Variants in GABRG3 observed in about 807,000 individuals in gnomAD.
GABRG3 encodes the protein gamma-aminobutyric acid type A receptor subunit gamma3, also known as gamma-aminobutyric acid receptor subunit gamma-3.
GABRG3 carries 25 observed loss-of-function variants against 48.8 expected under a neutral mutation model. The ratio of observed to expected loss-of-function variants is 0.51; its 90% CI spans 0.37 to 0.72. The LOEUF (loss-of-function observed/expected upper bound fraction) is 0.72, where lower values mean the gene tolerates loss of function less well. GABRG3 is among the 30% of genes least tolerant of loss of function. The pLI is 0.00. For synonymous variants in GABRG3, 227 were observed against 217.6 expected (o/e 1.04, Z -0.38); for missense variants, 394 against 577.9 (o/e 0.68, Z 3.26).
intron 3 of GABRG3, among the ~76,000 whole-genome samples, chr15:27,211,723 C>G (rs1354368281): frequency 6.6e-6 from 1 of 152,212 alleles, no homozygotes. Context: ...AAGTCCACCT[C>G]TCTGTGGAGC....
At chr15:27,090,486 C>G (rs951667377) in intron 3 of GABRG3, among the ~76,000 whole-genome samples, 1 of 152,162 alleles carries the variant, frequency 6.6e-6, no homozygotes, top group Non-Finnish European at 1.5e-5. Context: ...GCAGCTGCAC[C>G]GTTTTACAGT....
rs1240223125 is a variant in GABRG3 at position 27,327,009 on chromosome 15, G to A, written c.471G>A (p.Gly157=). 1 of 1,613,770 alleles carries A rather than the reference G, an allele frequency of 6.2e-7. No homozygotes were observed. Among genetic ancestry groups the A allele is most frequent in the Non-Finnish European group, 8.5e-7 (1 of 1,179,758 alleles). Residue 157 remains glycine, a synonymous_variant, in exon 4 of 10, where the codon GGG becomes GGA. Coordinates refer to ENST00000615808, the MANE Select transcript of GABRG3 (RefSeq NM_033223.5). The part of the protein sequence containing the change: ...PNQLLRIWND[G]KILYTLRLTI... ...AGCTCCTCCGGATTTGGAATGACGG[G>A]AAAATCCTTTACACTTTGAGGTAAG...
intron 3 of GABRG3, among the ~76,000 whole-genome samples, chr15:27,312,063 G>A (rs1893015315): frequency 1.3e-5 from 2 of 152,044 alleles, no homozygotes; most frequent in South Asian, 4.1e-4. Context: ...GCTCACCAGG[G>A]TAAGGAGAAC....
intron 2 of GABRG3, among the ~76,000 whole-genome samples, chr15:26,983,358 C>T (rs1357630363): frequency 1.3e-5 from 2 of 152,134 alleles, no homozygotes; most frequent in Admixed American, 1.3e-4. Context: ...GCTCTCCACA[C>T]TTGCGATCTT....
In GABRG3 at chr15:27,180,418, T is replaced by C. The variant is rs1887892333; in HGVS notation, c.271-146391T>C. Among the ~76,000 whole-genome samples, 1 of 152,118 alleles carries C rather than the reference T, an allele frequency of 6.6e-6. No homozygotes were observed. Among genetic ancestry groups the C allele is most frequent in the South Asian group, 2.1e-4 (1 of 4,824 alleles). On this transcript the variant is annotated intron_variant, in intron 3 of 9. Coordinates refer to ENST00000615808, the MANE Select transcript of GABRG3 (RefSeq NM_033223.5). This position sits in a 1 kb window ranked among gnomAD's most constrained non-coding sequence, Gnocchi z 4.2. ...GAGGCAGTGCATTTGCATCCTGAGG[T>C]CACGTTGTGCATCCATTGTCACACT...
At position 27,537,339 on chromosome 15, in the gene GABRG3, G is replaced by C. The variant is rs987147756; in HGVS notation, c.*4458G>C. ...TGTTAAATTTACAATATTCTCCTGA[G>C]CCCCCTTCCAATTTCCCAAAATTGA... On this transcript the variant is annotated 3_prime_UTR_variant, in exon 10 of 10. Coordinates refer to ENST00000615808, the MANE Select transcript of GABRG3 (RefSeq NM_033223.5). The C allele has an allele frequency of 1.3e-5, 2 of 152,210 alleles. No individual in the cohort carries two copies. The highest frequency in any genetic ancestry group is 4.8e-5 in the African/African-American group (2 of 41,530). 9.4% of individuals were successfully genotyped at this position (152,210 alleles called of 1,614,324 possible).
intron 3 of GABRG3, among the ~76,000 whole-genome samples, chr15:27,078,195 A>G (rs532936632): frequency 9.2e-5 from 14 of 152,252 alleles, no homozygotes; most frequent in South Asian, 8.3e-4. Flanking sequence ...CCCCAATGTG[A>G]GTGGGCCTCA....
At chr15:27,456,995 C>G (rs140904088) in intron 5 of GABRG3, among the ~76,000 whole-genome samples, 1 of 152,194 alleles carries the variant, frequency 6.6e-6, no homozygotes, top group Non-Finnish European at 1.5e-5. Context: ...CCCACTTTCC[C>G]GAGCTCCACC....
At chr15:27,477,811 C>A (rs571421034) in intron 5 of GABRG3, among the ~76,000 whole-genome samples, 4 of 152,048 alleles carry the variant, frequency 2.6e-5, no homozygotes, top group African/African-American at 7.2e-5. Flanking sequence ...AAGGCCAAGG[C>A]GGGCAGATCA....
intron 3 of GABRG3, among the ~76,000 whole-genome samples, chr15:27,281,882 T>C (rs1199985392): frequency 6.6e-6 from 1 of 152,196 alleles, no homozygotes; most frequent in East Asian, 1.9e-4. Context: ...TTACTTTTAT[T>C]ATTCCCTTTC....
chr15:27,188,405 T>G (rs1023615195), intron 3 of GABRG3, among the ~76,000 whole-genome samples: 2 of 152,252 alleles, frequency 1.3e-5, no homozygotes, highest in Non-Finnish European at 2.9e-5. Flanking sequence ...CCTGACTTTT[T>G]CATGATTGCC....
intron 5 of GABRG3, among the ~76,000 whole-genome samples, chr15:27,369,010 C>T (rs1181628692): frequency 1.3e-5 from 2 of 152,174 alleles, no homozygotes; most frequent in Admixed American, 6.5e-5. Context: ...ATCCTTTCTC[C>T]TTCATTGTTT....
At chr15:27,053,560 G>T (rs1226703417) in intron 3 of GABRG3, among the ~76,000 whole-genome samples, 1 of 152,220 alleles carries the variant, frequency 6.6e-6, no homozygotes, top group Non-Finnish European at 1.5e-5. Context: ...TTCAGCCATT[G>T]TGGAGAGCAT....
At chr15:27,228,673 C>T (rs1889702026) in intron 3 of GABRG3, among the ~76,000 whole-genome samples, 1 of 152,286 alleles carries the variant, frequency 6.6e-6, no homozygotes, top group Non-Finnish European at 1.5e-5. Context: ...CTAATTTATG[C>T]TCCCACCAAC....
chr15:27,055,741 C>T (rs1029186318), intron 3 of GABRG3, among the ~76,000 whole-genome samples: 1 of 152,006 alleles, frequency 6.6e-6, no homozygotes, highest in Non-Finnish European at 1.5e-5. Flanking sequence ...ATCTGAAACA[C>T]TTCTGGTCCC....
chr15:27,177,859 C>T (rs901083141), intron 3 of GABRG3, among the ~76,000 whole-genome samples: 1 of 152,096 alleles, frequency 6.6e-6, no homozygotes, highest in Non-Finnish European at 1.5e-5. Flanking sequence ...ACTCTGGACA[C>T]AGCATGGGCA....
At chr15:27,374,419 C>T (rs533075710) in intron 5 of GABRG3, among the ~76,000 whole-genome samples, 25 of 152,230 alleles carry the variant, frequency 1.6e-4, no homozygotes, top group East Asian at 9.6e-4. Flanking sequence ...GCATGCACCA[C>T]GGCACCAGTG....
At chr15:27,353,460 T>TTTA (rs1161726301) in intron 5 of GABRG3, among the ~76,000 whole-genome samples, 1 of 96,078 alleles carries the variant, frequency 1.0e-5, no homozygotes, top group East Asian at 2.3e-4. Flanking sequence ...TTATTTATTT[T>TTTA]TGAGATGGAG....
intron 3 of GABRG3, among the ~76,000 whole-genome samples, chr15:27,314,717 T>C (rs1595670943): frequency 6.6e-6 from 1 of 152,320 alleles, no homozygotes; most frequent in East Asian, 1.9e-4. Flanking sequence ...TGGAATTATT[T>C]AACCTTTAAA....
Sources: allele counts gnomAD v4.1 joint callset (sites outside exome capture counted in the v4.1 genomes callset), GRCh38; gene constraint gnomAD v4.1.1; non-coding constraint Gnocchi (gnomAD v3.1); transcripts MANE v1.5; gene names NCBI Gene and HGNC (gene_info 2026-07-23, HGNC 2026-07-21).